CEP85L: variants seen among roughly 807,000 people sequenced by gnomAD.
The protein encoded by CEP85L is centrosomal protein of 85 kDa-like.
In CEP85L, 60 loss-of-function variants were observed where a neutral mutation model predicts 100.3. That is an observed-to-expected ratio of 0.60 (90% CI 0.49 to 0.74). The LOEUF is 0.74. CEP85L is among the 30% of genes least tolerant of loss of function. The pLI, the probability that CEP85L is intolerant of heterozygous loss-of-function variation, is 0.00. For synonymous variants in CEP85L, 319 were observed against 322.7 expected (o/e 0.99, Z 0.12); for missense variants, 973 against 936.2 (o/e 1.04, Z -0.51).
rs572761069 is a variant in CEP85L, at chr6:118,549,680, TA to T, written c.1020+15848del. On this transcript the variant is annotated intron_variant, in intron 3 of 12. Transcript: ENST00000368491. ...CTCATATTTTTCCTTTGATAGTACA[TA>T]AAAGTCATTCAGTGTAGGTGTCTTA... 3.3e-5 allele frequency among the ~76,000 whole-genome samples: 5 copies of T among 151,972 alleles called. No homozygotes were observed. In the South Asian group the frequency reaches 8.3e-4, roughly 25 times the overall value.
intron 6 of CEP85L, chr6:118,491,420 G>C (rs2114607851): frequency 9.1e-7 from 1 of 1,103,170 alleles, no homozygotes. Context: ...TAAGGAAAAG[G>C]AGAACAGTTA....
intron 10 of CEP85L, among the ~76,000 whole-genome samples, 153 bp from the exon 11 acceptor site, chr6:118,470,797 C>T (rs942062710): frequency 3.3e-5 from 5 of 152,018 alleles, no homozygotes; most frequent in African/African-American, 1.2e-4. Context: ...TAAACTAATC[C>T]CTATCAGTTA....
intron 1 of CEP85L, among the ~76,000 whole-genome samples, chr6:118,635,259 T>G (rs73766589): frequency 0.033 from 4,961 of 152,288 alleles, 275 homozygotes; most frequent in African/African-American, 0.11. Context: ...AATGTTTAAG[T>G]GCTAAAAATG....
At chr6:118,557,214 TTTTA>T (rs762776215) in intron 3 of CEP85L, among the ~76,000 whole-genome samples, 2 of 152,352 alleles carry the variant, frequency 1.3e-5, no homozygotes, top group South Asian at 4.1e-4. Context: ...TTTAACACTA[TTTTA>T]TTTTAGATTA....
At chr6:118,635,125 T>C (rs1159829653) in intron 1 of CEP85L, among the ~76,000 whole-genome samples, 1 of 152,222 alleles carries the variant, frequency 6.6e-6, no homozygotes, top group Non-Finnish European at 1.5e-5. Flanking sequence ...CATGACCTTC[T>C]ACTGAGAATT....
At position 118,567,513 on chromosome 6, in the gene CEP85L, A is replaced by G. The variant is rs528065482; in HGVS notation, c.233-1197T>C. Among the ~76,000 whole-genome samples, 12 of 152,150 alleles carry G rather than the reference A, an allele frequency of 7.9e-5. No homozygotes were observed. The South Asian group carries it at 1.7e-3, about 21-fold the overall frequency. Reference sequence around the variant, plus strand: ...TTAAATACTCAATAAATTTACCATCAAGTGCCATGTTATCATCATATATAT... The same window carrying G: ...TTAAATACTCAATAAATTTACCATCGAGTGCCATGTTATCATCATATATAT... On this transcript the variant is annotated intron_variant, in intron 2 of 12. Coordinates refer to ENST00000368491, the MANE Select transcript of CEP85L (RefSeq NM_001042475.3).
At chr6:118,521,307 T>C (rs1008966855) in intron 4 of CEP85L, among the ~76,000 whole-genome samples, 1 of 152,222 alleles carries the variant, frequency 6.6e-6, no homozygotes, top group Non-Finnish European at 1.5e-5. Flanking sequence ...TTAAGTACTA[T>C]ATATGTTATA....
intron 1 of CEP85L, among the ~76,000 whole-genome samples, chr6:118,685,088 AAG>A: frequency 6.6e-6 from 1 of 152,366 alleles, no homozygotes; most frequent in Non-Finnish European, 1.5e-5. Context: ...AAGGCAGATG[AAG>A]AAAATGAAGA....
intron 2 of CEP85L, among the ~76,000 whole-genome samples, chr6:118,581,009 G>C (rs1163246545): frequency 6.6e-6 from 1 of 152,114 alleles, no homozygotes; most frequent in Non-Finnish European, 1.5e-5. Flanking sequence ...TAAGCCAACA[G>C]TGCCACCTAG....
chr6:118,512,964 A>T (rs1014038838), intron 4 of CEP85L, among the ~76,000 whole-genome samples: 2 of 152,218 alleles, frequency 1.3e-5, no homozygotes, highest in African/African-American at 4.8e-5. Context: ...ATAGACAAGG[A>T]TAGTAAATCA....
intron 2 of CEP85L, among the ~76,000 whole-genome samples, chr6:118,621,921 C>T (rs761648505): frequency 1.3e-5 from 2 of 152,192 alleles, no homozygotes; most frequent in Non-Finnish European, 2.9e-5. Flanking sequence ...GAATGGGAAT[C>T]AGAGGCGGAA....
rs115455148 is a variant in CEP85L, at chr6:118,618,513, G to A, written c.232+13940C>T. 3.3e-3 allele frequency among the ~76,000 whole-genome samples: 496 copies of A among 152,296 alleles called. 3 individuals carry two copies. Among genetic ancestry groups the A allele is most frequent in the African/African-American group, 0.012 (484 of 41,554 alleles). On this transcript the variant is annotated intron_variant, in intron 2 of 12. Transcript: ENST00000368491. ...AGGACATTTTCTTCATTGTTCCCCA[G>A]ATGAATTTCCTTTTTTTGGTGCCTC...
intron 3 of CEP85L, among the ~76,000 whole-genome samples, chr6:118,555,524 A>G (rs1038731817): frequency 3.3e-5 from 5 of 152,208 alleles, no homozygotes; most frequent in African/African-American, 1.2e-4. Context: ...AACATAAGCA[A>G]ATATCAACAT....
At chr6:118,541,394 C>T (rs1320921590) in intron 3 of CEP85L, among the ~76,000 whole-genome samples, 5 of 152,118 alleles carry the variant, frequency 3.3e-5, no homozygotes, top group African/African-American at 1.2e-4. Context: ...AATTAAGTTG[C>T]CAGTAAAAAG....
intron 1 of CEP85L, among the ~76,000 whole-genome samples, chr6:118,680,191 G>A (rs1228383063): frequency 2.0e-5 from 3 of 151,258 alleles, no homozygotes; most frequent in Non-Finnish European, 2.9e-5. Flanking sequence ...TACTTGGGAG[G>A]CTGAGGTGAG....
chr6:118,517,783 A>G (rs958578541), intron 4 of CEP85L, among the ~76,000 whole-genome samples: 1 of 152,118 alleles, frequency 6.6e-6, no homozygotes, highest in Non-Finnish European at 1.5e-5. Flanking sequence ...GTTGAAGAGG[A>G]GTGTGAGAGA....
chr6:118,493,562 C>A (rs1307375869), intron 5 of CEP85L, among the ~76,000 whole-genome samples: 1 of 151,946 alleles, frequency 6.6e-6, no homozygotes, highest in East Asian at 1.9e-4. Context: ...TGAAAAGAAA[C>A]AAGGAGCTGA....
chr6:118,517,499 G>C (rs1168434692), intron 4 of CEP85L, among the ~76,000 whole-genome samples: 1 of 151,976 alleles, frequency 6.6e-6, no homozygotes, highest in South Asian at 2.1e-4. Context: ...TATTCTCTTT[G>C]TAGCAATTGT....
At chr6:118,515,558 G>A (rs1159314468) in intron 4 of CEP85L, among the ~76,000 whole-genome samples, 1 of 152,120 alleles carries the variant, frequency 6.6e-6, no homozygotes, top group Non-Finnish European at 1.5e-5. Context: ...TTGGACCACA[G>A]TGAAATTAAA....
Sources: allele counts gnomAD v4.1 joint callset (sites outside exome capture counted in the v4.1 genomes callset), GRCh38; gene constraint gnomAD v4.1.1; transcripts MANE v1.5; gene names NCBI Gene and HGNC (gene_info 2026-07-23, HGNC 2026-07-21).